The following TMC5 variants were observed in gnomAD, a reference collection of about 807,000 sequenced individuals.
TMC5 encodes the protein transmembrane channel like 5, also known as transmembrane channel-like protein 5.
A neutral mutation model predicts 110.5 loss-of-function variants in TMC5; 86 were observed. That is an observed-to-expected ratio of 0.78 (90% CI 0.65 to 0.93). The LOEUF (loss-of-function observed/expected upper bound fraction) is 0.93. Ranked by LOEUF, TMC5 falls within the 40% of genes least tolerant of loss-of-function variation. The pLI is 0.00. For missense variants in TMC5, 1,144 were observed against 1,222.8 expected (o/e 0.94, Z 0.96); for synonymous variants, 455 against 439.5 (o/e 1.04, Z -0.44).
At chr16:19,436,652 A>G (rs1185962104) in intron 2 of TMC5, among the ~76,000 whole-genome samples, 1 of 152,216 alleles carries the variant, frequency 6.6e-6, no homozygotes. Flanking sequence ...TTTGCAAATG[A>G]CAGACACCCA....
upstream of TMC5, among the ~76,000 whole-genome samples, chr16:19,415,100 C>G (rs1966870161): frequency 6.6e-6 from 1 of 152,232 alleles, no homozygotes; most frequent in Admixed American, 6.5e-5. Context: ...GTTTCTCACT[C>G]TGGAAGCAAC....
intron 5 of TMC5, among the ~76,000 whole-genome samples, chr16:19,452,998 T>TTA (rs1268406653): frequency 2.9e-4 from 33 of 114,830 alleles, no homozygotes; most frequent in East Asian, 2.8e-3. Context: ...TGGGAAAAAA[T>TTA]TATATATATA....
chr16:19,414,052 G>T (rs892236738), upstream of TMC5, among the ~76,000 whole-genome samples: 1 of 152,214 alleles, frequency 6.6e-6, no homozygotes, highest in African/African-American at 2.4e-5. Context: ...ACTGAGTCAG[G>T]CTCAGGGAAA....
At chr16:19,457,419 G>C (rs1967906101) in intron 5 of TMC5, among the ~76,000 whole-genome samples, 1 of 152,092 alleles carries the variant, frequency 6.6e-6, no homozygotes, top group Non-Finnish European at 1.5e-5. Flanking sequence ...GAGTAATATG[G>C]AAGGGCGGAA....
intron 5 of TMC5, among the ~76,000 whole-genome samples, chr16:19,459,164 G>A (rs987920573): frequency 6.6e-6 from 1 of 151,992 alleles, no homozygotes; most frequent in African/African-American, 2.4e-5. Flanking sequence ...ACCTGCAAGG[G>A]GACAGGACCG....
At chr16:19,424,366 A>T (rs1967046933) in intron 1 of TMC5, among the ~76,000 whole-genome samples, 1 of 152,164 alleles carries the variant, frequency 6.6e-6, no homozygotes, top group Non-Finnish European at 1.5e-5. Context: ...AAAGAATATG[A>T]TATGCTGGGA....
intron 9 of TMC5, among the ~76,000 whole-genome samples, chr16:19,468,664 G>A (rs1319878129): frequency 6.6e-6 from 1 of 152,154 alleles, no homozygotes; most frequent in Non-Finnish European, 1.5e-5. Flanking sequence ...AGAGTAGCAG[G>A]GAGATGGGAA....
rs200358813 is a variant in TMC5 at position 19,479,432 on chromosome 16, G to T, written c.2171G>T (p.Cys724Phe). The T allele has an allele frequency of 6.2e-7, 1 of 1,613,464 alleles. No individual in the cohort carries two copies. Among genetic ancestry groups the T allele is most frequent in the African/African-American group, 1.3e-5 (1 of 75,008 alleles). ...LNTVALSGEECWETLIGQDIY... is the reference protein window; with the variant it reads ...LNTVALSGEEFWETLIGQDIY... ...TCCTGACTCTTGTTTGCCTTCCAGT[G>T]TTGGGAAACCCTCATTGGCCAGGAC... The change falls in exon 14 of 22, where the codon TGT becomes TTT. Residue 724 changes from cysteine (C) to phenylalanine (F), a missense_variant and splice_region_variant. Cys to Phe is a radical substitution (Grantham distance 205, BLOSUM62 -2). Coordinates refer to ENST00000542583, the MANE Select transcript of TMC5 (RefSeq NM_001261841.2).
At chr16:19,486,810 G>A in intron 15 of TMC5, 135 bp from the exon 16 acceptor site, 2 of 703,884 alleles carry the variant, frequency 2.8e-6, no homozygotes, top group Admixed American at 5.0e-5. Context: ...CGGGGTTAAG[G>A]CCTCAATATA....
intron 2 of TMC5, among the ~76,000 whole-genome samples, chr16:19,435,807 C>T (rs1967331730): frequency 6.6e-6 from 1 of 152,206 alleles, no homozygotes; most frequent in Non-Finnish European, 1.5e-5. Context: ...TCTTTTTCCT[C>T]ATCCTTGCAT....
intron 1 of TMC5, among the ~76,000 whole-genome samples, chr16:19,429,327 T>C (rs1377443228): frequency 6.6e-6 from 1 of 152,236 alleles, no homozygotes; most frequent in Non-Finnish European, 1.5e-5. Context: ...AATTGAGTGA[T>C]GGAAGCTATT....
At position 19,466,063 on chromosome 16, in the gene TMC5, G is replaced by C. The variant is rs958479639; in HGVS notation, c.1486-19G>C. ...TTTTCAGGAGATCCACCTGACCTAT[G>C]GTTTATTGTACCTTTCAGGGTTATT... On this transcript the variant is annotated intron_variant, in intron 8 of 21. Transcript: ENST00000542583. 6.2e-7 allele frequency: 1 copy of C among 1,612,814 alleles called. No homozygotes were observed. The highest frequency in any genetic ancestry group is 8.5e-7 in the Non-Finnish European group (1 of 1,179,346).
At chr16:19,472,502 G>T (rs554920170) in intron 11 of TMC5, among the ~76,000 whole-genome samples, 1 of 151,934 alleles carries the variant, frequency 6.6e-6, no homozygotes, top group Non-Finnish European at 1.5e-5. Context: ...AGACTTCATC[G>T]CTAAAAAAAT....
chr16:19,497,987 C>T lies in TMC5; in HGVS notation c.*21C>T, dbSNP rs1005938964. ...CCTGATGACTCTTTTGGTAACCAGA[C>T]ACCAATCAAATAAGGGGAGGAGACG... is the stretch of plus-strand genomic sequence containing the variant. On this transcript the variant is annotated 3_prime_UTR_variant, in exon 22 of 22. Transcript: ENST00000542583. The T allele has an allele frequency of 5.0e-6, 8 of 1,610,654 alleles. No individual in the cohort carries two copies. In the African/African-American group the frequency reaches 1.1e-4, roughly 22 times the overall value.
At chr16:19,477,569 A>G in intron 13 of TMC5, 51 bp downstream of exon 13, 1 of 1,278,910 alleles carries the variant, frequency 7.8e-7, no homozygotes. Context: ...GCATTTGACC[A>G]ACAGGGAGGA....
At chr16:19,445,816 A>G (rs1445176318) in intron 4 of TMC5, among the ~76,000 whole-genome samples, 3 of 151,918 alleles carry the variant, frequency 2.0e-5, no homozygotes, top group Admixed American at 2.0e-4. Context: ...TAATGAAAAC[A>G]CTGACTGTTA....
intron 1 of TMC5, among the ~76,000 whole-genome samples, chr16:19,425,890 T>C (rs1967079210): frequency 6.6e-6 from 1 of 152,176 alleles, no homozygotes; most frequent in African/African-American, 2.4e-5. Flanking sequence ...TTTCACCATG[T>C]TGGCCAGGCT....
chr16:19,472,252 C>T lies in TMC5; in HGVS notation c.1938+9C>T. 6.2e-7 allele frequency: 1 copy of T among 1,613,300 alleles called. No homozygotes were observed. Among genetic ancestry groups the T allele is most frequent in the Admixed American group, 1.7e-5 (1 of 60,012 alleles). On this transcript the variant is annotated intron_variant, in intron 11 of 21. Coordinates refer to ENST00000542583, the MANE Select transcript of TMC5 (RefSeq NM_001261841.2). The stretch of plus-strand genomic sequence containing the variant: ...CTGAGTACAACTTAGAGGTAACCAA[C>T]ACCAGGGTCCAGGGCAGAGAGAACC...
intron 20 of TMC5, among the ~76,000 whole-genome samples, chr16:19,496,834 G>A (rs907485057): frequency 7.0e-6 from 1 of 141,918 alleles, no homozygotes; most frequent in Admixed American, 7.2e-5. Flanking sequence ...AGGTTGCAGT[G>A]AGCCGAGATC....
Sources: gnomAD v4.1 joint callset for allele counts (sites outside exome capture counted in the v4.1 genomes callset) on GRCh38, gnomAD v4.1.1 for gene constraint, MANE v1.5 for transcripts, NCBI Gene and HGNC (gene_info 2026-07-23, HGNC 2026-07-21) for gene names.